Variants in RSPH14 observed in about 807,000 individuals in gnomAD.
The protein encoded by RSPH14 is rhabdoid tumor deletion region gene 1.
A neutral mutation model predicts 26.7 loss-of-function variants in RSPH14; 20 were observed. The observed-to-expected ratio is 0.75, with a 90% confidence interval of 0.53 to 1.09. RSPH14 has a LOEUF of 1.09. RSPH14 is among the 50% of genes least tolerant of loss of function. The probability of loss-of-function intolerance (pLI) is 0.00; values close to 1 mark genes in which losing one functional copy is unlikely to be tolerated. For synonymous variants in RSPH14, 177 were observed against 189.3 expected (o/e 0.93, Z 0.53); for missense variants, 449 against 457.2 (o/e 0.98, Z 0.16).
chr22:23,171,073 T>A, the RSPH14 span, among the ~76,000 whole-genome samples: 24 of 152,118 alleles, frequency 1.6e-4, no homozygotes, highest in Non-Finnish European at 2.5e-4. Context: ...GTTCAAGCGA[T>A]CCTCCTGCCT....
chr22:23,090,420 G>A (rs1309734540), intron 4 of RSPH14, among the ~76,000 whole-genome samples: 2 of 152,146 alleles, frequency 1.3e-5, no homozygotes, highest in Non-Finnish European at 2.9e-5. Context: ...TCACCTGGAT[G>A]TTTGCATCCA....
intron 4 of RSPH14, among the ~76,000 whole-genome samples, chr22:23,114,032 C>T (rs773413643): frequency 2.6e-5 from 4 of 152,188 alleles, no homozygotes; most frequent in East Asian, 1.9e-4. Context: ...GAGGCTTGGC[C>T]GGTACTTTGT....
rs574007159 is a variant in RSPH14 at position 23,087,645 on chromosome 22, G to T, written c.422-23512C>A. Among the ~76,000 whole-genome samples the T allele has an allele frequency of 4.6e-5, 7 of 152,322 alleles. No individual in the cohort carries two copies. In the East Asian group the frequency reaches 1.2e-3, roughly 25 times the overall value. Reference sequence around the variant, plus strand: ...GCATTCAGGAAGCAAAGTTTTTAAGGATAACTTGGTGGATGGGGGGTAGCC... The same window carrying T: ...GCATTCAGGAAGCAAAGTTTTTAAGTATAACTTGGTGGATGGGGGGTAGCC... On this transcript the variant is annotated intron_variant, in intron 4 of 6. Transcript: ENST00000216036.
intron 4 of RSPH14, among the ~76,000 whole-genome samples, chr22:23,117,805 T>G (rs1451222799): frequency 6.6e-6 from 1 of 152,216 alleles, no homozygotes; most frequent in African/African-American, 2.4e-5. Flanking sequence ...CCAGACCCTG[T>G]GTTCATGGCC....
intron 4 of RSPH14, among the ~76,000 whole-genome samples, chr22:23,110,086 A>T (rs1264424651): frequency 6.6e-6 from 1 of 152,202 alleles, no homozygotes; most frequent in Non-Finnish European, 1.5e-5. Context: ...CTCTGTCCCC[A>T]GACACCTCCC....
chr22:23,117,717 G>A (rs1027494698), intron 4 of RSPH14, among the ~76,000 whole-genome samples: 3 of 152,352 alleles, frequency 2.0e-5, no homozygotes, highest in African/African-American at 7.2e-5. Flanking sequence ...TCCCAGCATT[G>A]TACAGATGAG....
chr22:23,133,376 T>C (rs1023265301), intron 4 of RSPH14, among the ~76,000 whole-genome samples: 10 of 152,330 alleles, frequency 6.6e-5, no homozygotes, highest in Non-Finnish European at 1.2e-4. Context: ...TTTCCATTTA[T>C]GTAAAGTTTT....
the RSPH14 span, among the ~76,000 whole-genome samples, chr22:23,170,137 G>A: frequency 6.7e-6 from 1 of 150,160 alleles, no homozygotes; most frequent in Non-Finnish European, 1.5e-5. Flanking sequence ...CACCTGTGCA[G>A]TTCCCCAAAA....
intron 4 of RSPH14, among the ~76,000 whole-genome samples, chr22:23,112,820 G>T (rs2069691673): frequency 6.6e-6 from 1 of 152,164 alleles, no homozygotes; most frequent in African/African-American, 2.4e-5. Flanking sequence ...GGACCTGGCT[G>T]CAGGGAGCAA....
At chr22:23,084,554 A>G (rs994739651) in intron 4 of RSPH14, among the ~76,000 whole-genome samples, 1 of 152,232 alleles carries the variant, frequency 6.6e-6, no homozygotes, top group African/African-American at 2.4e-5. Context: ...CTTCTTGCAG[A>G]CAGCCACACT....
chr22:23,176,582 G>T, the RSPH14 span, among the ~76,000 whole-genome samples: 242 of 152,082 alleles, frequency 1.6e-3, 1 homozygote, highest in African/African-American at 5.6e-3. Flanking sequence ...TCGCCCCCAC[G>T]GCCTGGTGTT....
At chr22:23,068,427 C>G (rs370435409) in intron 4 of RSPH14, among the ~76,000 whole-genome samples, 23 of 152,268 alleles carry the variant, frequency 1.5e-4, no homozygotes, top group African/African-American at 5.5e-4. Flanking sequence ...AAGGGCCGGT[C>G]TGAATCCTAG....
intron 4 of RSPH14, among the ~76,000 whole-genome samples, chr22:23,111,844 C>A (rs560384276): frequency 7.3e-4 from 111 of 152,326 alleles, no homozygotes; most frequent in East Asian, 4.6e-3. Context: ...GTCCTCAGAT[C>A]CCGGTGGCAG....
At position 23,065,534 on chromosome 22, in the gene RSPH14, C is replaced by CAAAAA. The variant is rs10562943; in HGVS notation, c.422-1406_422-1402dup. On this transcript the variant is annotated intron_variant, in intron 4 of 6. Transcript: ENST00000216036. Reference sequence around the variant, plus strand: ...TTTTTTATTTAATATGCACAGATTGCAAAAAAAAAAAAAAAAAAAAAAAAA... The same window carrying CAAAAA: ...TTTTTTATTTAATATGCACAGATTGCAAAAAAAAAAAAAAAAAAAAAAAAAAAAAA... 5.1e-4 allele frequency among the ~76,000 whole-genome samples: 23 copies of CAAAAA among 45,172 alleles called. 6 individuals carry two copies. Among genetic ancestry groups the CAAAAA allele is most frequent in the African/African-American group, 1.5e-3 (17 of 11,474 alleles). 29.6% of individuals were successfully genotyped at this position (45,172 alleles called of 152,430 possible). A position where few individuals can be genotyped will look rare whatever the true frequency, so the allele number is the denominator to read the frequency against.
the RSPH14 span, among the ~76,000 whole-genome samples, chr22:23,156,495 G>A: frequency 6.6e-6 from 1 of 152,138 alleles, no homozygotes; most frequent in Non-Finnish European, 1.5e-5. Context: ...CATGGCCAAG[G>A]GCAGCCAGGT....
At chr22:23,072,087 GACT>G (rs2068394701) in intron 4 of RSPH14, among the ~76,000 whole-genome samples, 1 of 152,106 alleles carries the variant, frequency 6.6e-6, no homozygotes, top group Non-Finnish European at 1.5e-5. Context: ...TAGCTTTAAA[GACT>G]GGGGAAGGCT....
At chr22:23,130,819 A>G (rs574088321) in intron 4 of RSPH14, among the ~76,000 whole-genome samples, 1 of 152,356 alleles carries the variant, frequency 6.6e-6, no homozygotes, top group Admixed American at 6.5e-5. Context: ...AGGGACAGTA[A>G]AGCCATATCA....
chr22:23,129,562 C>T (rs954291428), intron 4 of RSPH14, among the ~76,000 whole-genome samples: 53 of 149,518 alleles, frequency 3.5e-4, no homozygotes, highest in Admixed American at 3.3e-3. Flanking sequence ...TTATCTTACA[C>T]GGCACTCAAA....
chr22:23,159,337 C>T, the RSPH14 span: 1 of 1,309,770 alleles, frequency 7.6e-7, no homozygotes, highest in Non-Finnish European at 1.0e-6. Context: ...CAGTGTTTCC[C>T]TCTGTAGCCA....
Sources: gnomAD v4.1 joint callset for allele counts (sites outside exome capture counted in the v4.1 genomes callset) on GRCh38, gnomAD v4.1.1 for gene constraint, MANE v1.5 for transcripts, NCBI Gene and HGNC (gene_info 2026-07-23, HGNC 2026-07-21) for gene names.